Variants in TJP2 observed in about 807,000 individuals in gnomAD.
The protein encoded by TJP2 is tight junction protein 2.
A neutral mutation model predicts 133.1 loss-of-function variants in TJP2; 91 were observed. That is an observed-to-expected ratio of 0.68 (90% CI 0.58 to 0.81). The LOEUF (loss-of-function observed/expected upper bound fraction) is 0.81. Among genes scored for constraint, TJP2 ranks in the 40% least tolerant of loss-of-function variants. The probability of loss-of-function intolerance (pLI) is 0.00; values close to 1 mark genes in which losing one functional copy is unlikely to be tolerated. For synonymous variants in TJP2, 592 were observed against 583.4 expected (o/e 1.01, Z -0.21); for missense variants, 1,541 against 1,565.6 (o/e 0.98, Z 0.26).
chr9:69,209,822 G>T (rs947658952), intron 1 of TJP2, among the ~76,000 whole-genome samples: 1 of 151,940 alleles, frequency 6.6e-6, no homozygotes. Context: ...AATTTATTGT[G>T]CTTCCACATA....
intron 4 of TJP2, among the ~76,000 whole-genome samples, chr9:69,219,497 T>A (rs1213417769): frequency 6.6e-6 from 1 of 152,198 alleles, no homozygotes; most frequent in Non-Finnish European, 1.5e-5. Context: ...GCATTTCCTA[T>A]GAATGAGGAC....
At chr9:69,190,976 C>T (rs975652551) in intron 1 of TJP2, among the ~76,000 whole-genome samples, 5 of 152,068 alleles carry the variant, frequency 3.3e-5, no homozygotes, top group African/African-American at 1.2e-4. Flanking sequence ...CTCCTGGAAG[C>T]AGGGTGTTGG....
intron 5 of TJP2, among the ~76,000 whole-genome samples, chr9:69,224,114 G>A (rs1829133951): frequency 6.6e-6 from 1 of 152,150 alleles, no homozygotes; most frequent in African/African-American, 2.4e-5. Flanking sequence ...GCATAACTTA[G>A]TAATTACAAT....
chr9:69,139,511 G>A (rs990704081), intron 1 of TJP2, among the ~76,000 whole-genome samples: 1 of 152,128 alleles, frequency 6.6e-6, no homozygotes, highest in African/African-American at 2.4e-5. Flanking sequence ...AGAGAGAGTG[G>A]CCTGGAGCAG....
intron 1 of TJP2, among the ~76,000 whole-genome samples, chr9:69,186,219 C>A (rs1416075135): frequency 1.3e-5 from 2 of 152,132 alleles, no homozygotes; most frequent in African/African-American, 4.8e-5. Context: ...TAACCCAGAC[C>A]TATTTTACTT....
intron 2 of TJP2, among the ~76,000 whole-genome samples, chr9:69,162,756 CTG>C (rs1824147872): frequency 6.6e-6 from 1 of 152,184 alleles, no homozygotes; most frequent in South Asian, 2.1e-4. Flanking sequence ...ACCTACTTGT[CTG>C]TGCAGAGAGA....
At chr9:69,137,083 G>A (rs1822764254) in intron 1 of TJP2, among the ~76,000 whole-genome samples, 2 of 152,256 alleles carry the variant, frequency 1.3e-5, no homozygotes, top group Admixed American at 6.5e-5. Context: ...AGCTCTGCCT[G>A]ATCCCTGAAT....
intron 3 of TJP2, among the ~76,000 whole-genome samples, chr9:69,217,387 C>T (rs550638047): frequency 6.6e-6 from 1 of 152,196 alleles, no homozygotes; most frequent in Non-Finnish European, 1.5e-5. Context: ...GGATAAATAG[C>T]TCAAAAGTTT....
chr9:69,205,218 G>A (rs1827304710), intron 1 of TJP2: 1 of 1,537,256 alleles, frequency 6.5e-7, no homozygotes, highest in East Asian at 2.4e-5. Context: ...AAAAGTTGAG[G>A]AGATGGAAAG....
At chr9:69,143,995 C>T (rs1174865293) in intron 1 of TJP2, among the ~76,000 whole-genome samples, 1 of 152,008 alleles carries the variant, frequency 6.6e-6, no homozygotes, top group Admixed American at 6.6e-5. Context: ...AAAACACAAA[C>T]ATTCAATTTT....
chr9:69,253,984 G>A, intron 22 of TJP2: 1 of 585,200 alleles, frequency 1.7e-6, no homozygotes, highest in East Asian at 3.1e-5. Flanking sequence ...TTAGGTCAGG[G>A]AGCACCTGGC....
intron 16 of TJP2, among the ~76,000 whole-genome samples, chr9:69,239,549 G>A (rs544257591): frequency 6.6e-6 from 1 of 152,166 alleles, no homozygotes; most frequent in African/African-American, 2.4e-5. Context: ...GGTGGCTCAT[G>A]CCTGTAATCC....
Position 69,236,071 on chromosome 9 carries a change from T to C in TJP2, c.1824T>C (p.Phe608=). The C allele has an allele frequency of 6.2e-7, 1 of 1,614,180 alleles. No homozygotes were observed. Among genetic ancestry groups the C allele is most frequent in the South Asian group, 1.1e-5 (1 of 91,074 alleles). The part of the protein sequence containing the change: ...ILACGRGDSF[F]IRSHFECEKE... ...CTTGTGGCAGAGGGGATTCGTTTTT[T>C]ATAAGAAGCCACTTTGAATGTGAGA... The change falls in exon 13 of 23, where the codon TTT becomes TTC. Residue 608 remains phenylalanine, a synonymous_variant. Transcript: ENST00000377245.
chr9:69,167,070 G>GA lies in TJP2; in HGVS notation c.-10+15309dup, dbSNP rs949285289. Reference sequence around the variant, plus strand: ...CAACATGGTGAAACCCCGTCTCTACGAAAAAAAAAACCCCAGAAAAATTAG... The same window carrying GA: ...CAACATGGTGAAACCCCGTCTCTACGAAAAAAAAAAACCCCAGAAAAATTAG... On this transcript the variant is annotated intron_variant, in intron 2 of 5. Coordinates refer to the TJP2 transcript ENST00000423935. Among the ~76,000 whole-genome samples the GA allele has an allele frequency of 4.9e-3, 721 of 147,538 alleles. 3 individuals carry two copies. The highest frequency in any genetic ancestry group is 0.015 in the African/African-American group (597 of 40,302).
upstream of TJP2, chr9:69,173,905 C>G (rs369141632): frequency 1.0e-6 from 1 of 975,104 alleles, no homozygotes; most frequent in East Asian, 1.1e-4. Flanking sequence ...GCGCTCGGAG[C>G]GGGACCTGCT....
chr9:69,245,049 C>CA (rs1830828353), intron 17 of TJP2, among the ~76,000 whole-genome samples: 1 of 152,184 alleles, frequency 6.6e-6, no homozygotes, highest in Non-Finnish European at 1.5e-5. Context: ...TACAAAATCT[C>CA]ACTTCTATTT....
At chr9:69,193,908 T>A (rs984291090) in intron 1 of TJP2, among the ~76,000 whole-genome samples, 3 of 152,120 alleles carry the variant, frequency 2.0e-5, no homozygotes, top group Admixed American at 1.3e-4. Context: ...TTAGGTGCAG[T>A]GGGCATTGGT....
intron 1 of TJP2, among the ~76,000 whole-genome samples, chr9:69,188,748 C>G (rs573138930): frequency 5.9e-5 from 9 of 152,244 alleles, no homozygotes; most frequent in African/African-American, 2.2e-4. Flanking sequence ...CTAGCTAAAA[C>G]CACAACTTTA....
intron 7 of TJP2, 123 bp downstream of exon 7, chr9:69,226,298 T>C (rs1829345409): frequency 8.9e-7 from 1 of 1,125,286 alleles, no homozygotes; most frequent in Non-Finnish European, 1.3e-6. Context: ...CCTTGAAACC[T>C]TAATCTCCAA....
Sources: gnomAD v4.1 joint callset for allele counts (sites outside exome capture counted in the v4.1 genomes callset) on GRCh38, gnomAD v4.1.1 for gene constraint, MANE v1.5 for transcripts, NCBI Gene and HGNC (gene_info 2026-07-23, HGNC 2026-07-21) for gene names.